Variants in MMP26 observed in about 807,000 individuals in gnomAD.
MMP26 encodes the protein matrix metallopeptidase 26.
A neutral mutation model predicts 31.0 loss-of-function variants in MMP26; 33 were observed. The observed-to-expected ratio is 1.06, with a 90% CI of 0.81 to 1.42. MMP26 has a LOEUF of 1.42. Among genes scored for constraint, MMP26 ranks in the 40% most tolerant of loss-of-function variants. MMP26 has a pLI of 0.00. For missense variants in MMP26, 347 were observed against 316.1 expected, an observed-to-expected ratio of 1.10 and a Z score of -0.74; for synonymous variants, 122 against 114.9, an observed-to-expected ratio of 1.06 and a Z score of -0.40.
intron 1 of MMP26, among the ~76,000 whole-genome samples, chr11:4,756,022 TA>T (rs1848500578): frequency 6.6e-6 from 1 of 152,144 alleles, no homozygotes; most frequent in African/African-American, 2.4e-5. Context: ...ATCTCAAATG[TA>T]AAAACTTCTG....
At chr11:4,961,078 G>A (rs1420914165) in intron 2 of MMP26, among the ~76,000 whole-genome samples, 1 of 152,132 alleles carries the variant, frequency 6.6e-6, no homozygotes, top group African/African-American at 2.4e-5. Context: ...ATAGTGTGAT[G>A]AGTCATCACC....
chr11:4,827,845 A>AT (rs759576772), intron 2 of MMP26, among the ~76,000 whole-genome samples: 67 of 151,596 alleles, frequency 4.4e-4, no homozygotes, highest in Non-Finnish European at 9.1e-4. Context: ...AAAAAAAAAA[A>AT]CACAACACAA....
Position 4,884,901 on chromosome 11 carries a change from G to A in MMP26, c.-144-103167G>A, listed in dbSNP as rs77402908. Among the ~76,000 whole-genome samples, 1,126 of 152,142 alleles carry A rather than the reference G, an allele frequency of 7.4e-3. 8 individuals are homozygous for A. The highest frequency in any genetic ancestry group is 0.01 in the Middle Eastern group (3 of 294). On this transcript the variant is annotated intron_variant, in intron 2 of 7. Transcript: ENST00000380390. ...AGAAATATTGCTGTGTTTGAATGCA[G>A]GGTAATACCTCAAGAGATATATGGC... is the stretch of plus-strand genomic sequence containing the variant.
At chr11:4,778,596 C>T (rs1185499573) in intron 2 of MMP26, among the ~76,000 whole-genome samples, 3 of 152,118 alleles carry the variant, frequency 2.0e-5, no homozygotes, top group African/African-American at 7.2e-5. Context: ...AGTGCCTAGG[C>T]AATTCTATAT....
At chr11:4,943,711 G>A in intron 2 of MMP26, 1 of 352,722 alleles carries the variant, frequency 2.8e-6, no homozygotes, top group Non-Finnish European at 5.6e-6. Context: ...TGTTTAAGGA[G>A]CCCCAGAGTT....
intron 2 of MMP26, among the ~76,000 whole-genome samples, chr11:4,792,802 C>T (rs1322529680): frequency 6.6e-6 from 1 of 152,098 alleles, no homozygotes; most frequent in African/African-American, 2.4e-5. Flanking sequence ...GGTGGACATA[C>T]AGAGAAAAGA....
intron 1 of MMP26, chr11:4,709,750 T>C (rs1237111117): frequency 6.5e-6 from 3 of 460,824 alleles, no homozygotes; most frequent in Non-Finnish European, 1.3e-5. Context: ...CATGAACCCA[T>C]GTATCATTTT....
At chr11:4,929,201 T>C (rs60765399) in intron 2 of MMP26, among the ~76,000 whole-genome samples, 196 of 152,220 alleles carry the variant, frequency 1.3e-3, no homozygotes, top group African/African-American at 4.3e-3. Flanking sequence ...CTTTAAGTTT[T>C]AGGGTACATG....
At chr11:4,956,260 A>T (rs1425035056) in intron 2 of MMP26, among the ~76,000 whole-genome samples, 2 of 152,208 alleles carry the variant, frequency 1.3e-5, no homozygotes, top group Non-Finnish European at 2.9e-5. Flanking sequence ...TGCTGAATTT[A>T]TCTGCCACAA....
chr11:4,943,134 T>A (rs754037540), intron 2 of MMP26: 10 of 182,044 alleles, frequency 5.5e-5, no homozygotes, highest in Non-Finnish European at 9.2e-5. Context: ...TCCCTTACAA[T>A]GTTTTCCCAC....
intron 2 of MMP26, among the ~76,000 whole-genome samples, chr11:4,981,994 T>C (rs1411560861): frequency 6.6e-6 from 1 of 151,890 alleles, no homozygotes; most frequent in East Asian, 1.9e-4. Context: ...AACAATTCCT[T>C]CTTCTGAAAT....
chr11:4,760,768 A>T (rs1848561047), intron 1 of MMP26, among the ~76,000 whole-genome samples: 1 of 152,212 alleles, frequency 6.6e-6, no homozygotes, highest in African/African-American at 2.4e-5. Flanking sequence ...TGAGAATCAA[A>T]TTAAAAGGAA....
chr11:4,969,458 AC>A (rs1846637096), intron 2 of MMP26, among the ~76,000 whole-genome samples: 1 of 152,066 alleles, frequency 6.6e-6, no homozygotes, highest in Non-Finnish European at 1.5e-5. Flanking sequence ...TTCAAGGTAA[AC>A]ATAACACCAA....
intron 2 of MMP26, among the ~76,000 whole-genome samples, chr11:4,886,542 C>G (rs971165368): frequency 2.6e-5 from 4 of 151,804 alleles, no homozygotes; most frequent in Admixed American, 2.0e-4. Flanking sequence ...ATTCAGATAA[C>G]TAATTGTTTT....
At position 4,811,945 on chromosome 11, in the gene MMP26, C is replaced by T. The variant is rs111583996; in HGVS notation, c.-145+44604C>T. 4.3e-3 allele frequency among the ~76,000 whole-genome samples: 651 copies of T among 152,256 alleles called. 8 individuals carry two copies. The highest frequency in any genetic ancestry group is 0.015 in the African/African-American group (610 of 41,544). On this transcript the variant is annotated intron_variant, in intron 2 of 7. Transcript: ENST00000380390. ...ATTTGAGTCTTTCCAAAACTGGTAC[C>T]TCTCCAGGATGCACTGAGGACTCTA... is the stretch of plus-strand genomic sequence containing the variant.
intron 2 of MMP26, among the ~76,000 whole-genome samples, chr11:4,862,961 A>C (rs1564796289): frequency 2.0e-5 from 3 of 152,106 alleles, no homozygotes; most frequent in African/African-American, 4.8e-5. Flanking sequence ...TTTTCTTTAA[A>C]TGTCAAGTGA....
chr11:4,967,511 C>G (rs1378175641), intron 2 of MMP26, among the ~76,000 whole-genome samples: 1 of 152,164 alleles, frequency 6.6e-6, no homozygotes, highest in Non-Finnish European at 1.5e-5. Context: ...AATTTATTCT[C>G]TTCTTGAGGT....
chr11:4,977,574 A>C (rs1473769638), intron 2 of MMP26, among the ~76,000 whole-genome samples: 1 of 152,144 alleles, frequency 6.6e-6, no homozygotes, highest in Non-Finnish European at 1.5e-5. Flanking sequence ...GTTCTGGCAG[A>C]ATAAGAACAT....
chr11:4,844,905 G>C (rs529276481), intron 2 of MMP26, among the ~76,000 whole-genome samples: 26 of 152,182 alleles, frequency 1.7e-4, no homozygotes, highest in Non-Finnish European at 3.5e-4. Flanking sequence ...GTCCTAGCTA[G>C]AGTATTAAGA....
Sources: gnomAD v4.1 joint callset for allele counts (sites outside exome capture counted in the v4.1 genomes callset) on GRCh38, gnomAD v4.1.1 for gene constraint, MANE v1.5 for transcripts, NCBI Gene and HGNC (gene_info 2026-07-23, HGNC 2026-07-21) for gene names.